GALNT18: variants seen among roughly 807,000 people sequenced by gnomAD.
The protein encoded by GALNT18 is polypeptide N-acetylgalactosaminyltransferase 18.
In GALNT18, 44 loss-of-function variants were observed where a neutral mutation model predicts 69.5. That is an observed-to-expected ratio of 0.63 (90% CI 0.50 to 0.81). The LOEUF (loss-of-function observed/expected upper bound fraction) is 0.81, where lower values mean the gene tolerates loss of function less well. Ranked by LOEUF, GALNT18 falls within the 40% of genes least tolerant of loss-of-function variation. The pLI is 0.00. For missense variants in GALNT18, 715 were observed against 810.0 expected, an observed-to-expected ratio of 0.88 and a Z score of 1.42; for synonymous variants, 364 against 318.2, an observed-to-expected ratio of 1.14 and a Z score of -1.53.
At chr11:11,561,200 G>C (rs1858496247) in intron 1 of GALNT18, among the ~76,000 whole-genome samples, 1 of 152,180 alleles carries the variant, frequency 6.6e-6, no homozygotes, top group South Asian at 2.1e-4. Flanking sequence ...GAGCTGAGAA[G>C]GGAGGGGAGG....
intron 3 of GALNT18, among the ~76,000 whole-genome samples, chr11:11,392,030 C>T (rs1854205617): frequency 6.6e-6 from 1 of 152,214 alleles, no homozygotes; most frequent in Non-Finnish European, 1.5e-5. Context: ...TTTCTAATGA[C>T]CAACATTTAT....
chr11:11,363,959 A>G (rs1351185263), intron 6 of GALNT18, among the ~76,000 whole-genome samples: 1 of 150,930 alleles, frequency 6.6e-6, no homozygotes, highest in African/African-American at 2.5e-5. Context: ...GAAAATTTAC[A>G]AGTCAATAAG....
At position 11,603,370 on chromosome 11, in the gene GALNT18, T is replaced by C. The variant is rs1287828343; in HGVS notation, c.235+17989A>G. ...ATTTCTCAGCTAAAGCCTAACTGTA[T>C]GTATGTGGCCAAAGGGAGTGTGGCC... On this transcript the variant is annotated intron_variant, in intron 1 of 10. Coordinates refer to ENST00000227756, the MANE Select transcript of GALNT18 (RefSeq NM_198516.3). The surrounding 1 kb of genome is among the most constrained non-coding windows in gnomAD (Gnocchi z 4.5). 1.3e-5 allele frequency among the ~76,000 whole-genome samples: 2 copies of C among 152,218 alleles called. No individual in the cohort carries two copies. The highest frequency in any genetic ancestry group is 4.8e-5 in the African/African-American group (2 of 41,452).
rs2133851001 is a variant in GALNT18 at position 11,469,190 on chromosome 11, G to C, written c.236-20254C>G. Among the ~76,000 whole-genome samples, 1 of 152,288 alleles carries C rather than the reference G, an allele frequency of 6.6e-6. No homozygotes were observed. Among genetic ancestry groups the C allele is most frequent in the South Asian group, 2.1e-4 (1 of 4,820 alleles). The stretch of plus-strand genomic sequence containing the variant: ...CAGTCTGAGTTGCTATAAACATAAA[G>C]AAGCCCGTCTGCTTTCTTGCCTCTG... On this transcript the variant is annotated intron_variant, in intron 1 of 10. Coordinates refer to ENST00000227756, the MANE Select transcript of GALNT18 (RefSeq NM_198516.3). This position sits in a 1 kb window ranked among gnomAD's most constrained non-coding sequence, Gnocchi z 4.2.
intron 10 of GALNT18, among the ~76,000 whole-genome samples, chr11:11,290,337 C>T (rs1040612602): frequency 6.6e-6 from 1 of 152,214 alleles, no homozygotes; most frequent in African/African-American, 2.4e-5. Flanking sequence ...CTTTCCTTTT[C>T]TAGAATCTCT....
Position 11,454,711 on chromosome 11 carries a change from G to A in GALNT18, c.236-5775C>T, listed in dbSNP as rs1482540387. Among the ~76,000 whole-genome samples, 1 of 152,058 alleles carries A rather than the reference G, an allele frequency of 6.6e-6. No homozygotes were observed. Among genetic ancestry groups the A allele is most frequent in the Non-Finnish European group, 1.5e-5 (1 of 68,006 alleles). ...CCACAGAACCACAGAGAGCCAGAGA[G>A]TCAGGCCAGGAGTGCTCTTCCTTCC... On this transcript the variant is annotated intron_variant, in intron 1 of 10. Transcript: ENST00000227756. The surrounding 1 kb of genome is among the most constrained non-coding windows in gnomAD (Gnocchi z 4.2).
At chr11:11,410,353 T>C (rs1854699603) in intron 3 of GALNT18, among the ~76,000 whole-genome samples, 1 of 152,142 alleles carries the variant, frequency 6.6e-6, no homozygotes, top group Non-Finnish European at 1.5e-5. Flanking sequence ...ACCTGCTCCT[T>C]GCCAGCACCC....
At chr11:11,544,698 A>G (rs975932621) in intron 1 of GALNT18, among the ~76,000 whole-genome samples, 2 of 152,220 alleles carry the variant, frequency 1.3e-5, no homozygotes, top group African/African-American at 4.8e-5. Context: ...TTTGTCCTAA[A>G]TGCATCACAA....
rs1859240682 is a variant in GALNT18, at chr11:11,586,870, C to T, written c.235+34489G>A. Among the ~76,000 whole-genome samples, 1 of 152,040 alleles carries T rather than the reference C, an allele frequency of 6.6e-6. No homozygotes were observed. Among genetic ancestry groups the T allele is most frequent in the Non-Finnish European group, 1.5e-5 (1 of 68,020 alleles). On this transcript the variant is annotated intron_variant, in intron 1 of 10. Transcript: ENST00000227756. This position sits in a 1 kb window ranked among gnomAD's most constrained non-coding sequence, Gnocchi z 4.1. Reference sequence around the variant, plus strand: ...AGGTGTGGTGGCGGGCGTCTGTAATCCCAGCTACTCAGGAGGCTGAGGCAG... The same window carrying T: ...AGGTGTGGTGGCGGGCGTCTGTAATTCCAGCTACTCAGGAGGCTGAGGCAG...
At chr11:11,409,889 C>T (rs1283552989) in intron 3 of GALNT18, among the ~76,000 whole-genome samples, 1 of 152,142 alleles carries the variant, frequency 6.6e-6, no homozygotes, top group African/African-American at 2.4e-5. Context: ...TCTATGTAAA[C>T]AAAGATTAAT....
intron 2 of GALNT18, among the ~76,000 whole-genome samples, chr11:11,447,308 G>A (rs1173472959): frequency 2.0e-5 from 3 of 152,034 alleles, no homozygotes; most frequent in Admixed American, 6.6e-5. Context: ...CTCTGACCAC[G>A]CAGGAAAAAT....
At chr11:11,352,123 G>C (rs772052576) in intron 6 of GALNT18, 1 of 1,613,514 alleles carries the variant, frequency 6.2e-7, no homozygotes, top group Non-Finnish European at 8.5e-7. Flanking sequence ...GAACCCATTC[G>C]AGCCTGGTCC....
intron 1 of GALNT18, among the ~76,000 whole-genome samples, chr11:11,481,975 C>G (rs181281480): frequency 2.2e-4 from 34 of 152,304 alleles, no homozygotes; most frequent in Admixed American, 9.8e-4. Flanking sequence ...ATTAATCATC[C>G]CTGTCGAAGT....
chr11:11,370,368 G>T (rs1850871046), intron 6 of GALNT18, among the ~76,000 whole-genome samples: 1 of 152,162 alleles, frequency 6.6e-6, no homozygotes. Context: ...ACGAAAGAAA[G>T]ACAAATACTA....
intron 3 of GALNT18, among the ~76,000 whole-genome samples, chr11:11,381,534 C>T (rs1006840250): frequency 6.6e-6 from 1 of 152,202 alleles, no homozygotes; most frequent in Non-Finnish European, 1.5e-5. Flanking sequence ...TTTCACCTCT[C>T]TGAATTCACA....
chr11:11,291,143 G>A (rs1036906345), intron 10 of GALNT18, among the ~76,000 whole-genome samples: 2 of 152,162 alleles, frequency 1.3e-5, no homozygotes, highest in Non-Finnish European at 2.9e-5. Context: ...GGAAAGTGAT[G>A]AAGGCTTCTG....
intron 6 of GALNT18, among the ~76,000 whole-genome samples, chr11:11,345,171 A>G (rs1850280851): frequency 1.3e-5 from 2 of 152,150 alleles, no homozygotes; most frequent in Admixed American, 1.3e-4. Context: ...CCTCCCTTCT[A>G]TGAAAGGGCA....
chr11:11,462,053 C>T (rs894058422), intron 1 of GALNT18, among the ~76,000 whole-genome samples: 1 of 152,218 alleles, frequency 6.6e-6, no homozygotes, highest in Admixed American at 6.5e-5. Flanking sequence ...CATCAGACTT[C>T]ACCCAGAGGG....
At chr11:11,294,342 T>C (rs1345589398) in intron 9 of GALNT18, among the ~76,000 whole-genome samples, 1 of 152,200 alleles carries the variant, frequency 6.6e-6, no homozygotes, top group Non-Finnish European at 1.5e-5. Context: ...AGGCAGCCTC[T>C]GCCTGGTATG....
Sources: allele counts gnomAD v4.1 joint callset (sites outside exome capture counted in the v4.1 genomes callset), GRCh38; gene constraint gnomAD v4.1.1; non-coding constraint Gnocchi (gnomAD v3.1); transcripts MANE v1.5; gene names NCBI Gene and HGNC (gene_info 2026-07-23, HGNC 2026-07-21).